Variants in CPEB1 observed in about 807,000 individuals in gnomAD.
CPEB1 encodes the protein cytoplasmic polyadenylation element binding protein 1, also known as cytoplasmic polyadenylation element-binding protein 1.
In CPEB1, 7 loss-of-function variants were observed where a neutral mutation model predicts 65.8. That is an observed-to-expected ratio of 0.11 (90% CI 0.06 to 0.20). The LOEUF is 0.20. Ranked by LOEUF, CPEB1 falls within the 10% of genes least tolerant of loss-of-function variation. The pLI, the probability that CPEB1 is intolerant of heterozygous loss-of-function variation, is 1.00. For synonymous variants in CPEB1, 262 were observed against 260.0 expected (o/e 1.01, Z -0.08); for missense variants, 551 against 712.2 (o/e 0.77, Z 2.58).
At chr15:82,569,607 C>T (rs897980223) in intron 4 of CPEB1, among the ~76,000 whole-genome samples, 16 of 152,210 alleles carry the variant, frequency 1.1e-4, no homozygotes, top group Non-Finnish European at 1.9e-4. Flanking sequence ...TGACTAGATC[C>T]AAGCTACTTT....
chr15:82,590,618 A>G (rs1050672627), intron 3 of CPEB1, among the ~76,000 whole-genome samples: 2 of 152,108 alleles, frequency 1.3e-5, no homozygotes, highest in Non-Finnish European at 2.9e-5. Context: ...CCAGTACCCA[A>G]TGCTTGTTTT....
upstream of CPEB1, chr15:82,647,867 C>G (rs2047713619): frequency 4.7e-6 from 6 of 1,266,880 alleles, no homozygotes; most frequent in African/African-American, 1.6e-5. Flanking sequence ...AGCGGGAACG[C>G]CATGGGGCCG....
At chr15:82,648,037 T>A (rs2047727579), upstream of CPEB1, 2 of 456,434 alleles carry the variant, frequency 4.4e-6, no homozygotes. Flanking sequence ...CCCGGCCGGA[T>A]GCGGAGCACC....
At chr15:82,571,189 C>G (rs558981508) in intron 4 of CPEB1, among the ~76,000 whole-genome samples, 155 bp downstream of exon 4, 4 of 152,334 alleles carry the variant, frequency 2.6e-5, no homozygotes, top group African/African-American at 9.6e-5. Flanking sequence ...ACACTCACAG[C>G]TTGCATTTCC....
chr15:82,643,079 A>G (rs1218271165), intron 1 of CPEB1, among the ~76,000 whole-genome samples: 1 of 152,176 alleles, frequency 6.6e-6, no homozygotes, highest in African/African-American at 2.4e-5. Flanking sequence ...GCAGAGAGCT[A>G]CTTTAGTCAC....
intron 6 of CPEB1, 122 bp downstream of exon 6, chr15:82,555,743 AGATCT>A (rs2150968822): frequency 1.1e-6 from 1 of 926,914 alleles, no homozygotes; most frequent in East Asian, 2.8e-5. Flanking sequence ...AATTCTTTGC[AGATCT>A]GGAGACTTCA....
At chr15:82,574,767 A>G (rs1292446031) in intron 3 of CPEB1, among the ~76,000 whole-genome samples, 6 of 149,662 alleles carry the variant, frequency 4.0e-5, no homozygotes, top group African/African-American at 1.5e-4. Flanking sequence ...AACCATGTTC[A>G]TGTACTGGAA....
At chr15:82,582,737 CTTTTTTT>C (rs11300517) in intron 3 of CPEB1, among the ~76,000 whole-genome samples, 1 of 87,400 alleles carries the variant, frequency 1.1e-5, no homozygotes, top group Non-Finnish European at 2.1e-5. Context: ...ACTAGGAGTT[CTTTTTTT>C]TTTTTTTTTT....
chr15:82,547,469 T>C (rs1331669858), intron 10 of CPEB1, among the ~76,000 whole-genome samples: 2 of 150,180 alleles, frequency 1.3e-5, no homozygotes, highest in Admixed American at 6.6e-5. Flanking sequence ...GCTAATTTTT[T>C]GTATTTTTAG....
intron 3 of CPEB1, among the ~76,000 whole-genome samples, chr15:82,578,897 T>A (rs2040942455): frequency 6.6e-6 from 1 of 152,192 alleles, no homozygotes; most frequent in African/African-American, 2.4e-5. Context: ...AATCTTGGCT[T>A]ACTACAACCT....
chr15:82,553,623 A>T (rs2036659105), intron 7 of CPEB1, 67 bp from the exon 8 acceptor site: 1 of 1,167,010 alleles, frequency 8.6e-7, no homozygotes, highest in African/African-American at 1.5e-5. Context: ...ACACAAACAC[A>T]GAATCACCAG....
At chr15:82,645,397 C>A (rs906170180) in intron 1 of CPEB1, among the ~76,000 whole-genome samples, 1 of 152,030 alleles carries the variant, frequency 6.6e-6, no homozygotes, top group African/African-American at 2.4e-5. Context: ...AGGTGATCTG[C>A]CCGCCTGGGC....
intron 1 of CPEB1, chr15:82,638,568 G>A (rs1484617974): frequency 6.6e-6 from 1 of 152,008 alleles, no homozygotes; most frequent in African/African-American, 2.4e-5. Context: ...GACTTACTTG[G>A]TTGATTTTCA....
At chr15:82,620,753 T>A (rs1322408202) in intron 3 of CPEB1, among the ~76,000 whole-genome samples, 1 of 152,170 alleles carries the variant, frequency 6.6e-6, no homozygotes, top group Non-Finnish European at 1.5e-5. Context: ...CAGTGAGCTA[T>A]GATCATACAA....
chr15:82,629,350 T>C, intron 1 of CPEB1: 1 of 985,100 alleles, frequency 1.0e-6, no homozygotes, highest in Non-Finnish European at 1.2e-6. Flanking sequence ...CCCAAACTGA[T>C]TAAGTTATAC....
rs141487679 is a variant in CPEB1 at position 82,602,342 on chromosome 15, T to C, written c.271+24851A>G. 1.1e-4 allele frequency among the ~76,000 whole-genome samples: 17 copies of C among 152,264 alleles called. No homozygotes were observed. In the East Asian group the frequency reaches 3.1e-3, roughly 28 times the overall value. On this transcript the variant is annotated intron_variant, in intron 3 of 12. Coordinates refer to ENST00000684509, the MANE Select transcript of CPEB1 (RefSeq NM_001365242.1). Reference sequence around the variant, plus strand: ...TCACAACTCATAAAATGCACTTAAATCCATGCTGAGCGGGAAATTTATAGT... The same window carrying C: ...TCACAACTCATAAAATGCACTTAAACCCATGCTGAGCGGGAAATTTATAGT...
At chr15:82,556,984 C>T (rs935523856) in intron 5 of CPEB1, among the ~76,000 whole-genome samples, 4 of 152,160 alleles carry the variant, frequency 2.6e-5, no homozygotes, top group Admixed American at 6.5e-5. Context: ...ACATTCAGCT[C>T]GGGAGATTTG....
At chr15:82,616,347 C>T (rs935541390) in intron 3 of CPEB1, among the ~76,000 whole-genome samples, 1 of 151,770 alleles carries the variant, frequency 6.6e-6, no homozygotes, top group African/African-American at 2.4e-5. Flanking sequence ...TATAAAAACA[C>T]GGATGGGAAG....
At chr15:82,569,529 A>C (rs1847522453) in intron 4 of CPEB1, among the ~76,000 whole-genome samples, 1 of 152,162 alleles carries the variant, frequency 6.6e-6, no homozygotes. Context: ...AAGAAAAACC[A>C]TTTCTATTTC....
Sources: gnomAD v4.1 joint callset for allele counts (sites outside exome capture counted in the v4.1 genomes callset) on GRCh38, gnomAD v4.1.1 for gene constraint, MANE v1.5 for transcripts, NCBI Gene and HGNC (gene_info 2026-07-23, HGNC 2026-07-21) for gene names.